CDH1: variants seen among roughly 807,000 people sequenced by gnomAD.
CDH1 encodes cadherin-1.
In CDH1, 35 loss-of-function variants were observed where a neutral mutation model predicts 84.5. The ratio of observed to expected loss-of-function variants is 0.41; its 90% CI spans 0.32 to 0.55. The LOEUF (loss-of-function observed/expected upper bound fraction) is 0.55. Ranked by LOEUF, CDH1 falls within the 20% of genes least tolerant of loss-of-function variation. The probability of loss-of-function intolerance (pLI) is 0.19; values close to 1 mark genes in which losing one functional copy is unlikely to be tolerated. For synonymous variants in CDH1, 417 were observed against 439.0 expected, an observed-to-expected ratio of 0.95 and a Z score of 0.63; for missense variants, 994 against 1,126.6, an observed-to-expected ratio of 0.88 and a Z score of 1.68.
intron 2 of CDH1, among the ~76,000 whole-genome samples, chr16:68,746,936 G>A (rs1158560083): frequency 1.3e-5 from 2 of 152,028 alleles, no homozygotes; most frequent in Non-Finnish European, 2.9e-5. Context: ...GCAACAGAGC[G>A]ATACTCCATC....
chr16:68,796,273 G>T (rs1201776010), intron 2 of CDH1, among the ~76,000 whole-genome samples: 1 of 152,194 alleles, frequency 6.6e-6, no homozygotes, highest in Non-Finnish European at 1.5e-5. Context: ...TGTATGCAGG[G>T]TGGGCAAAAC....
chr16:68,816,043 A>G (rs1331054561), intron 10 of CDH1, among the ~76,000 whole-genome samples: 6 of 151,894 alleles, frequency 4.0e-5, no homozygotes, highest in African/African-American at 1.5e-4. Flanking sequence ...TTGAGTTTGG[A>G]GTCTCACTTT....
intron 2 of CDH1, among the ~76,000 whole-genome samples, chr16:68,777,052 C>T (rs1477478923): frequency 6.6e-6 from 1 of 152,150 alleles, no homozygotes; most frequent in East Asian, 1.9e-4. Flanking sequence ...GTTCCAAATG[C>T]AACATTGGTG....
chr16:68,777,973 C>G (rs1444122962), intron 2 of CDH1, among the ~76,000 whole-genome samples: 1 of 152,154 alleles, frequency 6.6e-6, no homozygotes, highest in East Asian at 1.9e-4. Flanking sequence ...CTCAGGTGAT[C>G]CACCTGCCTT....
At chr16:68,794,466 G>T (rs2152124233) in intron 2 of CDH1, among the ~76,000 whole-genome samples, 1 of 152,180 alleles carries the variant, frequency 6.6e-6, no homozygotes, top group East Asian at 1.9e-4. Flanking sequence ...CAAACTGGAG[G>T]CCTAATTGTT....
intron 2 of CDH1, among the ~76,000 whole-genome samples, chr16:68,773,995 C>A (rs189351124): frequency 6.6e-6 from 1 of 152,212 alleles, no homozygotes. Flanking sequence ...TAGCTCACTG[C>A]AGCTCAACTT....
intron 2 of CDH1, among the ~76,000 whole-genome samples, chr16:68,753,545 C>G (rs1053278961): frequency 4.0e-5 from 6 of 151,732 alleles, no homozygotes; most frequent in Non-Finnish European, 5.9e-5. Flanking sequence ...CACCGTGTTA[C>G]CCAGGATGGT....
intron 2 of CDH1, among the ~76,000 whole-genome samples, chr16:68,742,018 A>T (rs1358270339): frequency 6.6e-6 from 1 of 152,116 alleles, no homozygotes; most frequent in East Asian, 1.9e-4. Context: ...TCTTCATAGC[A>T]CACACCGGTC....
At chr16:68,750,364 C>CT in intron 2 of CDH1, among the ~76,000 whole-genome samples, 1 of 152,026 alleles carries the variant, frequency 6.6e-6, no homozygotes, top group Admixed American at 6.6e-5. Context: ...TAAAGAAACT[C>CT]TTGTTCCAAA....
chr16:68,804,405 G>A (rs190778069), intron 3 of CDH1, among the ~76,000 whole-genome samples: 3 of 152,000 alleles, frequency 2.0e-5, no homozygotes, highest in Admixed American at 6.6e-5. Flanking sequence ...GAGCCACTGC[G>A]CCCGGCCCTA....
intron 3 of CDH1, among the ~76,000 whole-genome samples, chr16:68,807,902 C>T (rs192255720): frequency 6.6e-5 from 10 of 152,036 alleles, no homozygotes; most frequent in East Asian, 1.9e-4. Flanking sequence ...CAAAGCCCTA[C>T]GTCTACTAAA....
chr16:68,828,653 A>C (rs1961396373), intron 14 of CDH1, among the ~76,000 whole-genome samples: 1 of 152,244 alleles, frequency 6.6e-6, no homozygotes, highest in Non-Finnish European at 1.5e-5. Flanking sequence ...AACTTCAGCC[A>C]GATTCTCTTT....
intron 2 of CDH1, among the ~76,000 whole-genome samples, chr16:68,759,264 A>G (rs904380349): frequency 3.9e-5 from 6 of 152,010 alleles, no homozygotes; most frequent in East Asian, 1.9e-4. Flanking sequence ...TTGGGAGGCC[A>G]AGGCAGGAGA....
At chr16:68,822,651 T>C (rs1961189912) in intron 12 of CDH1, 1 of 391,490 alleles carries the variant, frequency 2.6e-6, no homozygotes, top group East Asian at 6.3e-5. Context: ...CTGGTCAATT[T>C]GCATATATGG....
chr16:68,748,053 C>T (rs1321744390), intron 2 of CDH1, among the ~76,000 whole-genome samples: 4 of 151,174 alleles, frequency 2.6e-5, no homozygotes, highest in Non-Finnish European at 2.9e-5. Context: ...CGTGAGCCAC[C>T]GTGCCTGGCC....
chr16:68,755,466 G>A (rs1045941709), intron 2 of CDH1, among the ~76,000 whole-genome samples: 6 of 151,116 alleles, frequency 4.0e-5, no homozygotes, highest in East Asian at 2.0e-4. Context: ...GGCTAGTCTC[G>A]AACTCCTGAG....
intron 2 of CDH1, among the ~76,000 whole-genome samples, chr16:68,767,959 CTT>C (rs11393793): frequency 2.0e-5 from 3 of 147,198 alleles, no homozygotes; most frequent in Admixed American, 6.8e-5. Context: ...ATTTTAATTA[CTT>C]TTTTTTTTTT....
Position 68,834,550 on chromosome 16 carries a change from T to C in CDH1, c.*1051T>C, listed in dbSNP as rs886241418. ...TTAATATCAACTCTCACTCCTGAATTCAGTTGCTTTGCCCAAGATAGGAGT... is the reference window on the plus strand; with the variant it reads ...TTAATATCAACTCTCACTCCTGAATCCAGTTGCTTTGCCCAAGATAGGAGT... On this transcript the variant is annotated 3_prime_UTR_variant, in exon 16 of 16. Transcript: ENST00000261769. 7.8e-5 allele frequency: 20 copies of C among 257,764 alleles called. No homozygotes were observed. Among genetic ancestry groups the C allele is most frequent in the African/African-American group, 4.2e-4 (19 of 45,594 alleles). 16.0% of individuals were successfully genotyped at this position (257,764 alleles called of 1,614,324 possible). A position where few individuals can be genotyped will look rare whatever the true frequency, so the allele number is the denominator to read the frequency against.
intron 14 of CDH1, among the ~76,000 whole-genome samples, chr16:68,828,601 T>A (rs1013436823): frequency 6.6e-6 from 1 of 152,246 alleles, no homozygotes; most frequent in African/African-American, 2.4e-5. Flanking sequence ...CTAAATGGTC[T>A]GTCTCAGAGC....
Sources: allele counts gnomAD v4.1 joint callset (sites outside exome capture counted in the v4.1 genomes callset), GRCh38; gene constraint gnomAD v4.1.1; transcripts MANE v1.5; gene names NCBI Gene and HGNC (gene_info 2026-07-23, HGNC 2026-07-21).